LRRC7: variants seen among roughly 807,000 people sequenced by gnomAD.
The protein encoded by LRRC7 is leucine rich repeat containing 7.
Under a neutral mutation model 175.7 loss-of-function variants are expected in LRRC7, and 23 were observed. The ratio of observed to expected loss-of-function variants is 0.13; its 90% CI spans 0.09 to 0.19. The LOEUF (loss-of-function observed/expected upper bound fraction) is 0.19, where lower values mean the gene tolerates loss of function less well. LRRC7 is among the 10% of genes least tolerant of loss of function. LRRC7 has a pLI of 1.00. For synonymous variants in LRRC7, 685 were observed against 680.9 expected (o/e 1.01, Z -0.09); for missense variants, 1,354 against 1,904.7 (o/e 0.71, Z 5.38).
At position 70,136,721 on chromosome 1, in the gene LRRC7, C is replaced by CTTTTTTTTT. The variant is rs1204650835; in HGVS notation, c.*14850_*14858dup. On this transcript the variant is annotated 3_prime_UTR_variant, in exon 27 of 27. Transcript: ENST00000651989. ...TTCTGCTTTATTGCTTTTTTAATGC[C>CTTTTTTTTT]TTTTTTTTTTTTTTTTTTTTTTTTC... 2.0e-5 allele frequency among the ~76,000 whole-genome samples: 2 copies of CTTTTTTTTT among 98,354 alleles called. No homozygotes were observed. Among genetic ancestry groups the CTTTTTTTTT allele is most frequent in the Admixed American group, 1.1e-4 (1 of 9,116 alleles). 64.5% of individuals were successfully genotyped at this position (98,354 alleles called of 152,430 possible).
chr1:69,819,812 C>T (rs1458151434), intron 4 of LRRC7, among the ~76,000 whole-genome samples: 4 of 152,078 alleles, frequency 2.6e-5, no homozygotes, highest in Non-Finnish European at 5.9e-5. Context: ...CTCTTTGTCA[C>T]TTGTGACAGG....
chr1:69,836,211 A>C (rs184941376), intron 6 of LRRC7, among the ~76,000 whole-genome samples: 38 of 151,964 alleles, frequency 2.5e-4, no homozygotes, highest in Non-Finnish European at 3.1e-4. Context: ...GAGCACATCA[A>C]CCTTTCCCAG....
In LRRC7 at chr1:69,754,210, G is replaced by A. The variant is rs1246836602; in HGVS notation, c.101-5981G>A. 2.6e-5 allele frequency among the ~76,000 whole-genome samples: 4 copies of A among 152,152 alleles called. No homozygotes were observed. In the East Asian group the frequency reaches 7.7e-4, roughly 29 times the overall value. ...TCATTGAAGTATTTGCAGCAAGAGA[G>A]TGACATAATCATATTTGTGTTTTCA... On this transcript the variant is annotated intron_variant, in intron 2 of 26. Transcript: ENST00000651989.
chr1:70,051,926 C>T (rs1366456583), intron 22 of LRRC7, among the ~76,000 whole-genome samples: 3 of 152,024 alleles, frequency 2.0e-5, no homozygotes, highest in African/African-American at 4.8e-5. Flanking sequence ...GCTTAGCAAA[C>T]GCCCATTTTT....
intron 2 of LRRC7, among the ~76,000 whole-genome samples, chr1:69,741,017 C>G (rs570952954): frequency 1.3e-5 from 2 of 151,546 alleles, no homozygotes; most frequent in Non-Finnish European, 2.9e-5. Flanking sequence ...TATTAAGTAT[C>G]CATTATATGT....
At chr1:69,845,767 G>A (rs573696543) in intron 7 of LRRC7, among the ~76,000 whole-genome samples, 1 of 152,132 alleles carries the variant, frequency 6.6e-6, no homozygotes, top group African/African-American at 2.4e-5. Flanking sequence ...CCATTGTCAA[G>A]GACAGCTTAC....
Position 70,039,056 on chromosome 1 carries a change from G to A in LRRC7, c.3232G>A (p.Val1078Met), listed in dbSNP as rs772004165. 5.0e-6 allele frequency: 8 copies of A among 1,613,974 alleles called. No individual in the cohort carries two copies. The highest frequency in any genetic ancestry group is 8.5e-7 in the Non-Finnish European group (1 of 1,180,014). The part of the protein sequence containing the change: ...FDQSFNPQGS[V>M]EVKAEKRIPP... ...CCAAAGCTTCAATCCTCAAGGATCA[G>A]TGGAAGTGAAAGCCGAAAAGAGGAT... The change falls in exon 21 of 27, where the codon GTG (valine) becomes ATG (methionine). Residue 1078 changes from valine (V) to methionine (M), a missense_variant. By Grantham distance (21) the Val-to-Met change is conservative. Transcript: ENST00000651989.
At chr1:69,970,250 A>C (rs1286862846) in intron 8 of LRRC7, among the ~76,000 whole-genome samples, 1 of 152,068 alleles carries the variant, frequency 6.6e-6, no homozygotes, top group African/African-American at 2.4e-5. Context: ...ACCAAACCCA[A>C]ACCCAGCAGA....
At chr1:69,925,481 T>G (rs1294032535) in intron 7 of LRRC7, among the ~76,000 whole-genome samples, 4 of 152,184 alleles carry the variant, frequency 2.6e-5, no homozygotes, top group Non-Finnish European at 4.4e-5. Flanking sequence ...TTTCAGAGGC[T>G]GTTATTGGTC....
intron 23 of LRRC7, among the ~76,000 whole-genome samples, chr1:70,070,274 G>A (rs945785552): frequency 6.6e-6 from 1 of 152,054 alleles, no homozygotes; most frequent in South Asian, 2.1e-4. Flanking sequence ...GGGTTATAGG[G>A]TTGAGCTACA....
At chr1:69,744,182 C>T (rs143791905) in intron 2 of LRRC7, among the ~76,000 whole-genome samples, 89 of 151,850 alleles carry the variant, frequency 5.9e-4, no homozygotes, top group African/African-American at 2.1e-3. Context: ...GACTACTATA[C>T]ATTATCTAAT....
At chr1:69,684,128 A>G (rs992992937) in intron 2 of LRRC7, among the ~76,000 whole-genome samples, 5 of 152,192 alleles carry the variant, frequency 3.3e-5, no homozygotes, top group African/African-American at 1.2e-4. Context: ...AATCAGTTAT[A>G]TAAGATCCAT....
rs1022684543 is a variant in LRRC7, at chr1:70,140,950, C to A, written c.*19063C>A. Among the ~76,000 whole-genome samples the A allele has an allele frequency of 2.0e-5, 3 of 152,068 alleles. No individual in the cohort carries two copies. Among genetic ancestry groups the A allele is most frequent in the African/African-American group, 7.2e-5 (3 of 41,406 alleles). On this transcript the variant is annotated 3_prime_UTR_variant, in exon 27 of 27. Coordinates refer to ENST00000651989, the MANE Select transcript of LRRC7 (RefSeq NM_001370785.2). ...CAGTCATTTTTCTATAAACAACTTT[C>A]CTCAGTTCGCAACTGAGGTGTAGCC...
intron 8 of LRRC7, among the ~76,000 whole-genome samples, chr1:69,979,749 G>T (rs1180700859): frequency 1.3e-5 from 2 of 152,154 alleles, no homozygotes; most frequent in Admixed American, 1.3e-4. Context: ...GTCTTCAGGT[G>T]GTAGCTTGGG....
chr1:69,697,249 G>C (rs1424959122), intron 2 of LRRC7, among the ~76,000 whole-genome samples: 1 of 152,000 alleles, frequency 6.6e-6, no homozygotes, highest in Non-Finnish European at 1.5e-5. Flanking sequence ...TCACACAACT[G>C]CAATTCCTCC....
chr1:69,846,249 G>A (rs914660426), intron 7 of LRRC7, among the ~76,000 whole-genome samples: 13 of 151,988 alleles, frequency 8.6e-5, no homozygotes, highest in African/African-American at 2.7e-4. Context: ...CCTTGTGAAC[G>A]AATTGTATTT....
chr1:69,673,854 CT>C (rs1553137241), intron 1 of LRRC7, among the ~76,000 whole-genome samples: 1 of 151,978 alleles, frequency 6.6e-6, no homozygotes, highest in Non-Finnish European at 1.5e-5. Context: ...CCCCAGTTAT[CT>C]TTTTGGCAGT....
chr1:69,621,039 T>C lies in LRRC7; in HGVS notation c.2+52398T>C, dbSNP rs1569987307. Among the ~76,000 whole-genome samples the C allele has an allele frequency of 2.0e-5, 3 of 151,546 alleles. No homozygotes were observed. The South Asian group carries it at 6.2e-4, about 32-fold the overall frequency. Reference sequence around the variant, plus strand: ...TACTTTCTTATATTTCTTTCTTCTTTTTTTTTTCTTTTTTTTTCTTTTGAG... The same window carrying C: ...TACTTTCTTATATTTCTTTCTTCTTCTTTTTTTCTTTTTTTTTCTTTTGAG... On this transcript the variant is annotated intron_variant, in intron 1 of 26. Transcript: ENST00000651989.
chr1:70,014,082 T>C (rs1248663296), intron 13 of LRRC7: 4 of 152,030 alleles, frequency 2.6e-5, no homozygotes, highest in African/African-American at 7.2e-5. Context: ...CACCAAAGCT[T>C]TATGCATCAA....
Sources: gnomAD v4.1 joint callset for allele counts (sites outside exome capture counted in the v4.1 genomes callset) on GRCh38, gnomAD v4.1.1 for gene constraint, MANE v1.5 for transcripts, NCBI Gene and HGNC (gene_info 2026-07-23, HGNC 2026-07-21) for gene names.